Variants in KCNJ3 observed in about 807,000 individuals in gnomAD.
The protein encoded by KCNJ3 is potassium inwardly rectifying channel subfamily J member 3.
Under a neutral mutation model 39.2 loss-of-function variants are expected in KCNJ3, and 4 were observed. That is an observed-to-expected ratio of 0.10 (90% CI 0.05 to 0.23). KCNJ3 has a LOEUF of 0.23. Ranked by LOEUF, KCNJ3 falls within the 10% of genes least tolerant of loss-of-function variation. The probability of loss-of-function intolerance (pLI) is 1.00; values close to 1 mark genes in which losing one functional copy is unlikely to be tolerated. For missense variants in KCNJ3, 276 were observed against 634.9 expected, an observed-to-expected ratio of 0.43 and a Z score of 6.08; for synonymous variants, 230 against 237.4, an observed-to-expected ratio of 0.97 and a Z score of 0.29.
At chr2:154,815,513 A>T (rs2105105231) in intron 2 of KCNJ3, among the ~76,000 whole-genome samples, 1 of 152,338 alleles carries the variant, frequency 6.6e-6, no homozygotes, top group Middle Eastern at 3.4e-3. Context: ...ACTATCACAC[A>T]TGCCCATGTT....
At chr2:154,847,078 AT>A (rs1353734335) in intron 2 of KCNJ3, among the ~76,000 whole-genome samples, 1 of 152,140 alleles carries the variant, frequency 6.6e-6, no homozygotes, top group Non-Finnish European at 1.5e-5. Context: ...ATATGTGGAG[AT>A]TTAAAGAGAT....
rs1686717836 is a variant in KCNJ3 at position 154,796,183 on chromosome 2, G to A, written c.920-58544G>A. On this transcript the variant is annotated intron_variant, in intron 2 of 2. Transcript: ENST00000295101. ...TATCTGAGGAATTAAAGGAATTGAG[G>A]TCTATTGCTGAGGTACAGTGTCTAT... Among the ~76,000 whole-genome samples, 4 of 152,090 alleles carry A rather than the reference G, an allele frequency of 2.6e-5. No homozygotes were observed. In the South Asian group the frequency reaches 8.3e-4, roughly 31 times the overall value.
intron 2 of KCNJ3, among the ~76,000 whole-genome samples, chr2:154,831,331 T>TTACTC (rs1687359744): frequency 6.6e-6 from 1 of 152,222 alleles, no homozygotes; most frequent in South Asian, 2.1e-4. Flanking sequence ...AAAGTCTGTT[T>TTACTC]TACTCTAAAA....
At chr2:154,723,896 T>C (rs762167198) in intron 2 of KCNJ3, among the ~76,000 whole-genome samples, 11 of 152,174 alleles carry the variant, frequency 7.2e-5, no homozygotes, top group Non-Finnish European at 1.3e-4. Context: ...TAAATTACAA[T>C]TTATAGCTTA....
rs952192829 is a variant in KCNJ3, at chr2:154,824,553, C to G, written c.920-30174C>G. On this transcript the variant is annotated intron_variant, in intron 2 of 2. Transcript: ENST00000295101. Reference sequence around the variant, plus strand: ...TGTGTTTTAAAAGTGATTTTAAAGTCAAGGATTTATTGAGGTTCTACCACT... The same window carrying G: ...TGTGTTTTAAAAGTGATTTTAAAGTGAAGGATTTATTGAGGTTCTACCACT... Among the ~76,000 whole-genome samples the G allele has an allele frequency of 2.0e-5, 3 of 151,958 alleles. No individual in the cohort carries two copies. In the South Asian group the frequency reaches 6.2e-4, roughly 32 times the overall value.
chr2:154,753,273 A>G (rs1260934146), intron 2 of KCNJ3, among the ~76,000 whole-genome samples: 1 of 152,180 alleles, frequency 6.6e-6, no homozygotes, highest in Non-Finnish European at 1.5e-5. Flanking sequence ...AATGGATCAT[A>G]GTAATGTTTA....
Position 154,818,917 on chromosome 2 carries a change from C to G in KCNJ3, c.920-35810C>G, listed in dbSNP as rs537225074. 2.0e-4 allele frequency among the ~76,000 whole-genome samples: 15 copies of G among 76,626 alleles called. No homozygotes were observed. In the South Asian group the frequency reaches 7.6e-3, roughly 39 times the overall value. The allele number at this position is 76,626 out of a possible 152,430, so 50.3% of individuals were successfully genotyped here. A position where few individuals can be genotyped will look rare whatever the true frequency, so the allele number is the denominator to read the frequency against. ...AGAGCTTGAGCTGTAGCTGCAAAAG[C>G]CTTTTTTTTTTTTTTTTTTTTTTTT... On this transcript the variant is annotated intron_variant, in intron 2 of 2. Transcript: ENST00000295101.
At chr2:154,792,515 C>A (rs1346055142) in intron 2 of KCNJ3, among the ~76,000 whole-genome samples, 4 of 152,060 alleles carry the variant, frequency 2.6e-5, no homozygotes, top group Non-Finnish European at 5.9e-5. Flanking sequence ...TTAGTTTATA[C>A]AGTTGTTGCA....
At chr2:154,736,307 TA>T (rs1355439217) in intron 2 of KCNJ3, among the ~76,000 whole-genome samples, 1 of 140,430 alleles carries the variant, frequency 7.1e-6, no homozygotes, top group Non-Finnish European at 1.5e-5. Flanking sequence ...GAAACAGAAT[TA>T]TGTGCCCTTT....
At chr2:154,847,414 A>G (rs942992371) in intron 2 of KCNJ3, among the ~76,000 whole-genome samples, 2 of 152,190 alleles carry the variant, frequency 1.3e-5, no homozygotes, top group African/African-American at 2.4e-5. Flanking sequence ...TCCTCATTTA[A>G]TAATCCTCAG....
intron 2 of KCNJ3, among the ~76,000 whole-genome samples, chr2:154,817,213 A>T (rs1188281257): frequency 6.6e-6 from 1 of 152,176 alleles, no homozygotes; most frequent in African/African-American, 2.4e-5. Context: ...TGTAGTCTGC[A>T]GCCTTAATCA....
At chr2:154,823,116 A>G (rs895084155) in intron 2 of KCNJ3, among the ~76,000 whole-genome samples, 1 of 152,088 alleles carries the variant, frequency 6.6e-6, no homozygotes, top group African/African-American at 2.4e-5. Flanking sequence ...AGATGTTTCT[A>G]ATAATTTACA....
intron 2 of KCNJ3, among the ~76,000 whole-genome samples, chr2:154,774,184 CAT>C (rs1257701583): frequency 6.6e-6 from 1 of 152,078 alleles, no homozygotes; most frequent in East Asian, 1.9e-4. Flanking sequence ...TTACAAATGA[CAT>C]ATATTCTCAA....
intron 2 of KCNJ3, among the ~76,000 whole-genome samples, chr2:154,759,159 G>A (rs1685992146): frequency 6.6e-6 from 1 of 152,116 alleles, no homozygotes; most frequent in Non-Finnish European, 1.5e-5. Flanking sequence ...AAGTCTCATG[G>A]CTATGAAAGC....
intron 2 of KCNJ3, among the ~76,000 whole-genome samples, chr2:154,746,642 G>A (rs10203804): frequency 0.31 from 45,349 of 146,116 alleles, 7,427 homozygotes; most frequent in Non-Finnish European, 0.35. Flanking sequence ...GTATATATGT[G>A]TATATATATG....
chr2:154,835,849 A>G (rs537584158), intron 2 of KCNJ3, among the ~76,000 whole-genome samples: 1 of 152,312 alleles, frequency 6.6e-6, no homozygotes, highest in Admixed American at 6.5e-5. Flanking sequence ...TCACATATGA[A>G]AAAAATTTTC....
intron 2 of KCNJ3, among the ~76,000 whole-genome samples, chr2:154,851,530 G>A (rs1687755709): frequency 6.6e-6 from 1 of 152,168 alleles, no homozygotes; most frequent in African/African-American, 2.4e-5. Context: ...GTTGATAAAG[G>A]AGAAAACAGG....
At position 154,856,871 on chromosome 2, in the gene KCNJ3, A is replaced by G. The variant is rs1267437568; in HGVS notation, c.*1558A>G. ...AGAATATCATGGGTTTTCCTATAAA[A>G]CTTCTTTAAGTATTGTAATTCCAGT... is the stretch of plus-strand genomic sequence containing the variant. On this transcript the variant is annotated 3_prime_UTR_variant, in exon 3 of 3. Coordinates refer to ENST00000295101, the MANE Select transcript of KCNJ3 (RefSeq NM_002239.4). 1 of 152,144 alleles carries G rather than the reference A, an allele frequency of 6.6e-6. No individual in the cohort carries two copies. Among genetic ancestry groups the G allele is most frequent in the Non-Finnish European group, 1.5e-5 (1 of 68,020 alleles). The allele number at this position is 152,144 out of a possible 1,614,324, so 9.4% of individuals were successfully genotyped here. A position where few individuals can be genotyped will look rare whatever the true frequency, so the allele number is the denominator to read the frequency against.
chr2:154,708,711 G>T (rs7559115), intron 1 of KCNJ3, among the ~76,000 whole-genome samples: 33,488 of 152,084 alleles, frequency 0.22, 4,483 homozygotes, highest in Non-Finnish European at 0.29. Context: ...TTACTCTCAT[G>T]GTTTGCTAAT....
Sources: allele counts gnomAD v4.1 joint callset (sites outside exome capture counted in the v4.1 genomes callset), GRCh38; gene constraint gnomAD v4.1.1; transcripts MANE v1.5; gene names NCBI Gene and HGNC (gene_info 2026-07-23, HGNC 2026-07-21).